NOL4: variants seen among roughly 807,000 people sequenced by gnomAD.
NOL4 encodes the protein nucleolar protein 4, also known as cancer/testis antigen 125.
Under a neutral mutation model 75.9 loss-of-function variants are expected in NOL4, and 17 were observed. The observed-to-expected ratio is 0.22, with a 90% CI of 0.15 to 0.34. The LOEUF (loss-of-function observed/expected upper bound fraction) is 0.34, where lower values mean the gene tolerates loss of function less well. Among genes scored for constraint, NOL4 ranks in the 10% least tolerant of loss-of-function variants. The pLI, the probability that NOL4 is intolerant of heterozygous loss-of-function variation, is 1.00. For missense variants in NOL4, 614 were observed against 793.5 expected (o/e 0.77, Z 2.72); for synonymous variants, 292 against 289.9 (o/e 1.01, Z -0.07).
Position 33,851,769 on chromosome 18 carries a change from A to G in NOL4, c.*1073T>C, listed in dbSNP as rs1239869814. 1 of 152,548 alleles carries G rather than the reference A, an allele frequency of 6.6e-6. No homozygotes were observed. The highest frequency in any genetic ancestry group is 6.6e-5 in the Admixed American group (1 of 15,250). The allele number at this position is 152,548 out of a possible 1,614,324, so 9.4% of individuals were successfully genotyped here. On this transcript the variant is annotated 3_prime_UTR_variant, in exon 11 of 11. Transcript: ENST00000261592. Reference sequence around the variant, plus strand: ...CAGCTGCATCCGCTGAGAGTTCCTTACATTATTTTTAGCTAGAACTGAAAA... The same window carrying G: ...CAGCTGCATCCGCTGAGAGTTCCTTGCATTATTTTTAGCTAGAACTGAAAA...
intron 1 of NOL4, among the ~76,000 whole-genome samples, chr18:34,207,985 T>A (rs2036240593): frequency 6.6e-6 from 1 of 152,152 alleles, no homozygotes; most frequent in South Asian, 2.1e-4. Context: ...GACATGGTGA[T>A]CCCTCCACAT....
intron 5 of NOL4, among the ~76,000 whole-genome samples, chr18:34,076,938 A>G (rs1037044799): frequency 1.2e-4 from 18 of 152,168 alleles, no homozygotes; most frequent in Admixed American, 3.3e-4. Context: ...CTGCACACAC[A>G]TCTACAAATT....
chr18:33,995,743 A>AT (rs1334137817), intron 6 of NOL4, among the ~76,000 whole-genome samples: 2 of 151,698 alleles, frequency 1.3e-5, no homozygotes, highest in African/African-American at 4.8e-5. Context: ...TGCAAATGTC[A>AT]TTTTTTATTG....
chr18:34,170,595 AAT>A (rs891725792), intron 1 of NOL4, among the ~76,000 whole-genome samples: 18 of 152,196 alleles, frequency 1.2e-4, no homozygotes, highest in Admixed American at 8.5e-4. Flanking sequence ...GGTTAAATGA[AAT>A]ATGTTGTTAA....
intron 4 of NOL4, among the ~76,000 whole-genome samples, chr18:34,101,231 A>G (rs796219376): frequency 5.2e-4 from 79 of 152,286 alleles, no homozygotes; most frequent in African/African-American, 1.8e-3. Context: ...TTCTAGAAAC[A>G]TGTAGCAAAG....
chr18:34,009,585 A>C (rs554831420), intron 6 of NOL4, among the ~76,000 whole-genome samples: 31 of 151,948 alleles, frequency 2.0e-4, no homozygotes, highest in Non-Finnish European at 4.0e-4. Flanking sequence ...AAGAATTATT[A>C]TCATCATTTT....
chr18:34,220,156 G>A (rs2037196248), intron 1 of NOL4, among the ~76,000 whole-genome samples: 1 of 152,182 alleles, frequency 6.6e-6, no homozygotes, highest in Non-Finnish European at 1.5e-5. Flanking sequence ...CTTAAAGATA[G>A]TCTTGTTTCA....
intron 6 of NOL4, among the ~76,000 whole-genome samples, chr18:34,006,698 A>G (rs191385904): frequency 2.9e-4 from 44 of 152,156 alleles, no homozygotes; most frequent in Middle Eastern, 6.8e-3. Context: ...TTACAGCAAA[A>G]TAAGTGTGGC....
intron 5 of NOL4, among the ~76,000 whole-genome samples, chr18:34,054,898 C>T (rs1259238451): frequency 6.6e-6 from 1 of 150,524 alleles, no homozygotes; most frequent in Non-Finnish European, 1.5e-5. Flanking sequence ...TTAGACAAAA[C>T]ATTAAAGTTG....
At chr18:33,958,512 TCTTG>T in intron 6 of NOL4, 94 bp from the exon 7 acceptor site, 2 of 1,169,722 alleles carry the variant, frequency 1.7e-6, no homozygotes, top group Non-Finnish European at 2.4e-6. Context: ...TTCTCAAAAA[TCTTG>T]TTTATGAGTT....
intron 10 of NOL4, among the ~76,000 whole-genome samples, chr18:33,878,562 A>G (rs574177631): frequency 6.6e-6 from 1 of 152,078 alleles, no homozygotes; most frequent in Non-Finnish European, 1.5e-5. Flanking sequence ...CCCCAAAACT[A>G]TCTAGCTATA....
At chr18:33,929,327 C>A (rs1053288771) in intron 9 of NOL4, among the ~76,000 whole-genome samples, 1 of 152,022 alleles carries the variant, frequency 6.6e-6, no homozygotes, top group African/African-American at 2.4e-5. Context: ...GTATGGAATA[C>A]CCTCCTCTAG....
chr18:34,152,769 T>C (rs542671465), intron 1 of NOL4, among the ~76,000 whole-genome samples: 334 of 151,708 alleles, frequency 2.2e-3, no homozygotes, highest in Non-Finnish European at 3.9e-3. Context: ...AGAAAGAGGG[T>C]TTTCTTCTGG....
chr18:33,946,680 C>T (rs2068855773), intron 8 of NOL4, among the ~76,000 whole-genome samples: 1 of 151,680 alleles, frequency 6.6e-6, no homozygotes, highest in Non-Finnish European at 1.5e-5. Flanking sequence ...ATCAAGATCT[C>T]CCTAGCATCC....
chr18:34,026,259 C>T (rs2075335145), intron 5 of NOL4, among the ~76,000 whole-genome samples: 1 of 152,080 alleles, frequency 6.6e-6, no homozygotes, highest in Non-Finnish European at 1.5e-5. Flanking sequence ...AGAGAGAATG[C>T]CTGGTTATGC....
chr18:33,873,467 A>G (rs768200550), intron 10 of NOL4, among the ~76,000 whole-genome samples: 8 of 152,020 alleles, frequency 5.3e-5, no homozygotes, highest in Non-Finnish European at 1.0e-4. Context: ...AATAGATTTC[A>G]AAGCAGAATT....
At chr18:33,941,348 T>C (rs1448806815) in intron 9 of NOL4, among the ~76,000 whole-genome samples, 8 of 151,894 alleles carry the variant, frequency 5.3e-5, no homozygotes, top group African/African-American at 1.9e-4. Flanking sequence ...TAAAACTATA[T>C]AGGGATATTC....
intron 2 of NOL4, among the ~76,000 whole-genome samples, chr18:34,115,632 G>GT (rs1568360893): frequency 6.6e-6 from 1 of 152,064 alleles, no homozygotes; most frequent in African/African-American, 2.4e-5. Flanking sequence ...GTCCTAATAG[G>GT]TTTTTTACGC....
intron 1 of NOL4, among the ~76,000 whole-genome samples, chr18:34,202,257 G>A (rs968510420): frequency 1.3e-5 from 2 of 151,810 alleles, no homozygotes; most frequent in Non-Finnish European, 2.9e-5. Context: ...GGTAAGTATT[G>A]CTGCTGTTAA....
Sources: allele counts gnomAD v4.1 joint callset (sites outside exome capture counted in the v4.1 genomes callset), GRCh38; gene constraint gnomAD v4.1.1; transcripts MANE v1.5; gene names NCBI Gene and HGNC (gene_info 2026-07-23, HGNC 2026-07-21).